ANK2: variants seen among roughly 807,000 people sequenced by gnomAD.
ANK2 encodes the protein ankyrin-2.
In ANK2, 83 loss-of-function variants were observed where a neutral mutation model predicts 360.5. That is an observed-to-expected ratio of 0.23 (90% CI 0.19 to 0.28). The LOEUF (loss-of-function observed/expected upper bound fraction) is 0.28, where lower values mean the gene tolerates loss of function less well. ANK2 is among the 10% of genes least tolerant of loss of function. The probability of loss-of-function intolerance (pLI) is 1.00; values close to 1 mark genes in which losing one functional copy is unlikely to be tolerated. For missense variants in ANK2, 4,201 were observed against 4,795.7 expected (o/e 0.88, Z 3.66); for synonymous variants, 1,740 against 1,759.5 (o/e 0.99, Z 0.28).
chr4:113,164,879 A>G (rs1179650499), intron 1 of ANK2, among the ~76,000 whole-genome samples: 1 of 152,240 alleles, frequency 6.6e-6, no homozygotes, highest in South Asian at 2.1e-4. Flanking sequence ...GAATGAAAAG[A>G]GTTTTGTATA....
At chr4:112,740,914 CGGGA>C in the ANK2 span, among the ~76,000 whole-genome samples, 1 of 151,990 alleles carries the variant, frequency 6.6e-6, no homozygotes, top group Non-Finnish European at 1.5e-5. Context: ...CACTTGAACC[CGGGA>C]GGCAGAGGTT....
chr4:112,731,632 G>A, the ANK2 span, among the ~76,000 whole-genome samples: 1 of 151,178 alleles, frequency 6.6e-6, no homozygotes, highest in Non-Finnish European at 1.5e-5. Flanking sequence ...TTCAGAGGCT[G>A]TGAGGTGGGA....
the ANK2 span, among the ~76,000 whole-genome samples, chr4:112,732,235 A>G: frequency 6.6e-6 from 1 of 150,966 alleles, no homozygotes; most frequent in South Asian, 2.1e-4. Flanking sequence ...GTGGGAATTG[A>G]CAGAGTAGGG....
At chr4:112,928,335 T>C (rs2092809434) in intron 2 of ANK2, among the ~76,000 whole-genome samples, 1 of 152,104 alleles carries the variant, frequency 6.6e-6, no homozygotes, top group Admixed American at 6.6e-5. Context: ...AAAAATAGTA[T>C]GGTACTATAA....
At chr4:112,724,127 C>T in the ANK2 span, among the ~76,000 whole-genome samples, 2 of 147,380 alleles carry the variant, frequency 1.4e-5, no homozygotes, top group African/African-American at 2.5e-5. Context: ...TGCAGTGGTG[C>T]GATCTCAGCT....
At chr4:112,927,914 A>C (rs1168225875) in intron 2 of ANK2, among the ~76,000 whole-genome samples, 1 of 152,236 alleles carries the variant, frequency 6.6e-6, no homozygotes, top group Non-Finnish European at 1.5e-5. Flanking sequence ...TAACCAGAAC[A>C]AGAAAAAGCT....
chr4:112,720,400 T>C, the ANK2 span, among the ~76,000 whole-genome samples: 6 of 152,292 alleles, frequency 3.9e-5, no homozygotes, highest in African/African-American at 1.4e-4. Flanking sequence ...TTTTCCTCTC[T>C]CCATCTTTTC....
At position 113,317,822 on chromosome 4, in the gene ANK2, T is replaced by A. The variant is rs2153836583; in HGVS notation, c.2796+13T>A. 6.2e-7 allele frequency: 1 copy of A among 1,604,354 alleles called. No homozygotes were observed. The highest frequency in any genetic ancestry group is 8.5e-7 in the Non-Finnish European group (1 of 1,171,322). ...TCCCAGTCACCAGGTATGTGACATTTTGCCTTCATGTCTTTGCTTTCTGGA... is the reference window on the plus strand; with the variant it reads ...TCCCAGTCACCAGGTATGTGACATTATGCCTTCATGTCTTTGCTTTCTGGA... On this transcript the variant is annotated intron_variant, in intron 25 of 45. Transcript: ENST00000357077.
chr4:113,269,578 C>T (rs903381425), intron 14 of ANK2, among the ~76,000 whole-genome samples: 1 of 152,234 alleles, frequency 6.6e-6, no homozygotes, highest in Admixed American at 6.5e-5. Flanking sequence ...CCCCACCCTG[C>T]TTTGGCTTGC....
chr4:113,049,816 A>G lies in ANK2; in HGVS notation c.84+4A>G. On this transcript the variant is annotated splice_donor_region_variant and intron_variant, in intron 1 of 45. Transcript: ENST00000357077. ...GAGGAGAAAAAGACCCAAGAAGGTAAATCGCCGGAATTAGGAATGTCTGTG... is the reference window on the plus strand; with the variant it reads ...GAGGAGAAAAAGACCCAAGAAGGTAGATCGCCGGAATTAGGAATGTCTGTG... 6.2e-7 allele frequency: 1 copy of G among 1,613,632 alleles called. No individual in the cohort carries two copies.
intron 2 of ANK2, among the ~76,000 whole-genome samples, chr4:113,189,764 C>T (rs943975662): frequency 3.9e-5 from 6 of 152,274 alleles, no homozygotes; most frequent in Middle Eastern, 3.4e-3. Context: ...TGCCTGGAGG[C>T]ATCTCCACTT....
chr4:113,271,231 A>T (rs2058368459), intron 14 of ANK2, among the ~76,000 whole-genome samples: 1 of 152,346 alleles, frequency 6.6e-6, no homozygotes, highest in East Asian at 1.9e-4. Flanking sequence ...CCCTGAGCTT[A>T]TGACTATGAT....
chr4:112,801,096 G>A, the ANK2 span, among the ~76,000 whole-genome samples: 3 of 152,166 alleles, frequency 2.0e-5, no homozygotes, highest in Non-Finnish European at 4.4e-5. Flanking sequence ...TACTGCTTCT[G>A]CCTTCTGTGT....
chr4:113,000,752 T>G (rs796773817), intron 2 of ANK2, among the ~76,000 whole-genome samples: 10 of 152,330 alleles, frequency 6.6e-5, no homozygotes, highest in African/African-American at 2.4e-4. Context: ...ACCAGCAAAG[T>G]AACTCAAAAC....
At chr4:113,346,329 C>T (rs1051423562) in intron 35 of ANK2, among the ~76,000 whole-genome samples, 2 of 152,232 alleles carry the variant, frequency 1.3e-5, no homozygotes, top group African/African-American at 4.8e-5. Flanking sequence ...TCAGATTTAA[C>T]TTTTTGAAGA....
At chr4:112,906,652 T>C in intron 2 of ANK2, among the ~76,000 whole-genome samples, 1 of 152,012 alleles carries the variant, frequency 6.6e-6, no homozygotes, top group East Asian at 1.9e-4. Context: ...CAGATACAGA[T>C]AGGTTTGTAG....
chr4:112,745,689 A>G, the ANK2 span, among the ~76,000 whole-genome samples: 2 of 151,966 alleles, frequency 1.3e-5, no homozygotes, highest in Non-Finnish European at 2.9e-5. Context: ...ACCCACCACC[A>G]TGCCTGGCTA....
chr4:113,135,912 C>T (rs1041705293), intron 1 of ANK2, among the ~76,000 whole-genome samples: 2 of 152,080 alleles, frequency 1.3e-5, no homozygotes, highest in South Asian at 4.2e-4. Context: ...TAAATGACTG[C>T]AGATTGCTAT....
chr4:112,709,745 T>G, the ANK2 span, among the ~76,000 whole-genome samples: 1 of 151,840 alleles, frequency 6.6e-6, no homozygotes, highest in African/African-American at 2.4e-5. Flanking sequence ...CAAAACAGTC[T>G]CAAAAAAGAA....
Sources: gnomAD v4.1 joint callset for allele counts (sites outside exome capture counted in the v4.1 genomes callset) on GRCh38, gnomAD v4.1.1 for gene constraint, MANE v1.5 for transcripts, NCBI Gene and HGNC (gene_info 2026-07-23, HGNC 2026-07-21) for gene names.